The following STOX2 variants were observed in gnomAD, a reference collection of about 807,000 sequenced individuals.
STOX2 encodes the protein storkhead-box protein 2.
A neutral mutation model predicts 60.9 loss-of-function variants in STOX2; 28 were observed. The observed-to-expected ratio is 0.46, with a 90% CI of 0.34 to 0.63. The LOEUF (loss-of-function observed/expected upper bound fraction) is 0.63, where lower values mean the gene tolerates loss of function less well. Among genes scored for constraint, STOX2 ranks in the 30% least tolerant of loss-of-function variants. The probability of loss-of-function intolerance (pLI) is 0.01; values close to 1 mark genes in which losing one functional copy is unlikely to be tolerated. For synonymous variants in STOX2, 472 were observed against 463.9 expected, an observed-to-expected ratio of 1.02 and a Z score of -0.22; for missense variants, 1,024 against 1,187.7, an observed-to-expected ratio of 0.86 and a Z score of 2.03.
At chr4:183,877,534 A>G (rs1304358030) in intron 1 of STOX2, among the ~76,000 whole-genome samples, 2 of 152,212 alleles carry the variant, frequency 1.3e-5, no homozygotes, top group Non-Finnish European at 2.9e-5. Context: ...ACTTTGTTGC[A>G]GAGCCGTTTT....
At chr4:183,882,394 G>A (rs1189043686) in intron 1 of STOX2, among the ~76,000 whole-genome samples, 4 of 152,154 alleles carry the variant, frequency 2.6e-5, no homozygotes, top group Non-Finnish European at 5.9e-5. Context: ...TTTCCCAGAC[G>A]TAAAACTCCT....
At chr4:183,991,874 T>A (rs2111206062) in intron 1 of STOX2, among the ~76,000 whole-genome samples, 1 of 152,036 alleles carries the variant, frequency 6.6e-6, no homozygotes, top group African/African-American at 2.4e-5. Flanking sequence ...AAAGAAAAAA[T>A]TGAAACTCAA....
intron 1 of STOX2, among the ~76,000 whole-genome samples, chr4:183,824,278 C>T (rs73010519): frequency 1.3e-5 from 2 of 152,224 alleles, no homozygotes; most frequent in East Asian, 1.9e-4. Flanking sequence ...AAAGCTAATA[C>T]AATATTCTCA....
intron 1 of STOX2, among the ~76,000 whole-genome samples, chr4:183,995,200 C>T (rs936233609): frequency 8.6e-5 from 13 of 150,858 alleles, no homozygotes; most frequent in African/African-American, 2.4e-4. Flanking sequence ...TGGTCTCCTG[C>T]GTGTGCACAG....
intron 1 of STOX2, among the ~76,000 whole-genome samples, chr4:183,801,655 G>T (rs1738766948): frequency 6.6e-6 from 1 of 152,218 alleles, no homozygotes; most frequent in Non-Finnish European, 1.5e-5. Context: ...TGCAGAGCAG[G>T]AGAACTTTCC....
rs1740178760 is a variant in STOX2 at position 183,852,548 on chromosome 4, G to GAAAGGATGAGA, written c.364+54493_364+54494insAAAGGATGAGA. Among the ~76,000 whole-genome samples, 6 of 70,174 alleles carry GAAAGGATGAGA rather than the reference G, an allele frequency of 8.6e-5. 2 individuals are homozygous for GAAAGGATGAGA. The highest frequency in any genetic ancestry group is 1.5e-4 in the Admixed American group (1 of 6,558). The allele number at this position is 70,174 out of a possible 152,430, so 46.0% of individuals were successfully genotyped here. ...GGGAAAGGATGAGGGAAAGGATGAG[G>GAAAGGATGAGA]GAAAGGATGAGAGAAAGGATGAGGG... On this transcript the variant is annotated intron_variant, in intron 1 of 2. Coordinates refer to the STOX2 transcript ENST00000513034.
intron 1 of STOX2, among the ~76,000 whole-genome samples, chr4:183,956,407 T>A: frequency 7.0e-6 from 1 of 142,718 alleles, no homozygotes; most frequent in East Asian, 2.0e-4. Flanking sequence ...TATCTATCTA[T>A]CACCTATCTG....
At chr4:183,857,238 CTGG>C (rs1234983707) in intron 1 of STOX2, among the ~76,000 whole-genome samples, 66 of 151,700 alleles carry the variant, frequency 4.4e-4, no homozygotes, top group South Asian at 1.0e-3. Flanking sequence ...TCCCACAGGA[CTGG>C]TCATCTCGCA....
At chr4:184,003,479 T>G (rs948512528) in intron 2 of STOX2, among the ~76,000 whole-genome samples, 1 of 152,234 alleles carries the variant, frequency 6.6e-6, no homozygotes, top group African/African-American at 2.4e-5. Context: ...GCCCTGGTTT[T>G]CAGACAGACT....
intron 1 of STOX2, among the ~76,000 whole-genome samples, chr4:183,951,195 A>G (rs1335448636): frequency 6.7e-6 from 1 of 148,652 alleles, no homozygotes; most frequent in African/African-American, 2.5e-5. Context: ...AGCCTGGGCG[A>G]CAGAGCGAGA....
chr4:184,008,070 C>T (rs557209450), intron 2 of STOX2, among the ~76,000 whole-genome samples: 2 of 152,174 alleles, frequency 1.3e-5, no homozygotes, highest in African/African-American at 4.8e-5. Context: ...CTGCCTTATT[C>T]GTGTTTGGTT....
chr4:183,950,278 C>T (rs1743028158), intron 1 of STOX2, among the ~76,000 whole-genome samples: 1 of 152,062 alleles, frequency 6.6e-6, no homozygotes, highest in Non-Finnish European at 1.5e-5. Context: ...GGGGATTATC[C>T]AAGGATATCG....
intron 2 of STOX2, among the ~76,000 whole-genome samples, chr4:184,003,880 T>A (rs938363002): frequency 6.6e-6 from 1 of 152,292 alleles, no homozygotes; most frequent in Non-Finnish European, 1.5e-5. Flanking sequence ...AAAGTTTGTT[T>A]CCTGCCTGCC....
At chr4:183,892,331 T>G (rs554451244) in intron 1 of STOX2, among the ~76,000 whole-genome samples, 216 of 152,264 alleles carry the variant, frequency 1.4e-3, no homozygotes, top group Non-Finnish European at 2.4e-3. Context: ...CAGGCTGGAG[T>G]GCAGTGGCGC....
rs1056467633 is a variant in STOX2, at chr4:183,998,450, C to T, written c.167-2875C>T. Among the ~76,000 whole-genome samples the T allele has an allele frequency of 2.6e-5, 4 of 152,188 alleles. No individual in the cohort carries two copies. In the East Asian group the frequency reaches 7.7e-4, roughly 29 times the overall value. On this transcript the variant is annotated intron_variant, in intron 1 of 3. Transcript: ENST00000308497. ...GTCTGTGCCTGAGCTGTAGGGCCTGCGGTACGGAGGGCAGAGTCAAACAGG... is the reference window on the plus strand; with the variant it reads ...GTCTGTGCCTGAGCTGTAGGGCCTGTGGTACGGAGGGCAGAGTCAAACAGG...
At chr4:183,917,572 A>G (rs776887479) in intron 1 of STOX2, among the ~76,000 whole-genome samples, 5 of 152,240 alleles carry the variant, frequency 3.3e-5, no homozygotes, top group Admixed American at 1.3e-4. Context: ...AAGTATTTGG[A>G]CATATTTTCC....
At chr4:183,992,794 G>A (rs1733167348) in intron 1 of STOX2, among the ~76,000 whole-genome samples, 1 of 152,206 alleles carries the variant, frequency 6.6e-6, no homozygotes, top group African/African-American at 2.4e-5. Flanking sequence ...GCCTCTTCTT[G>A]TTTATGTACG....
At chr4:183,915,064 T>C (rs1393504377) in intron 1 of STOX2, among the ~76,000 whole-genome samples, 1 of 152,246 alleles carries the variant, frequency 6.6e-6, no homozygotes. Flanking sequence ...AGGTAACTCA[T>C]ACACACAGTC....
At chr4:184,006,919 G>A (rs1237628336) in intron 2 of STOX2, among the ~76,000 whole-genome samples, 10 of 146,278 alleles carry the variant, frequency 6.8e-5, no homozygotes, top group African/African-American at 1.8e-4. Flanking sequence ...GGGAGGCTGA[G>A]GCAGGAGAAT....
Sources: allele counts gnomAD v4.1 joint callset (sites outside exome capture counted in the v4.1 genomes callset), GRCh38; gene constraint gnomAD v4.1.1; transcripts MANE v1.5; gene names NCBI Gene and HGNC (gene_info 2026-07-23, HGNC 2026-07-21).